Variants in SHISA9 observed in about 807,000 individuals in gnomAD.
The protein encoded by SHISA9 is shisa family member 9.
Under a neutral mutation model 38.0 loss-of-function variants are expected in SHISA9, and 13 were observed. The ratio of observed to expected loss-of-function variants is 0.34; its 90% CI spans 0.22 to 0.54. SHISA9 has a LOEUF of 0.54. Ranked by LOEUF, SHISA9 falls within the 20% of genes least tolerant of loss-of-function variation. SHISA9 has a pLI of 0.91. For missense variants in SHISA9, 538 were observed against 575.8 expected (o/e 0.93, Z 0.67); for synonymous variants, 275 against 242.0 (o/e 1.14, Z -1.27).
intron 3 of SHISA9, among the ~76,000 whole-genome samples, chr16:13,211,993 T>G (rs2051124571): frequency 6.6e-6 from 1 of 152,196 alleles, no homozygotes; most frequent in Non-Finnish European, 1.5e-5. Context: ...TCTCTTCTGT[T>G]GCTCCAATTG....
At chr16:13,425,726 T>C in the SHISA9 span, among the ~76,000 whole-genome samples, 1 of 152,202 alleles carries the variant, frequency 6.6e-6, no homozygotes, top group East Asian at 1.9e-4. Context: ...CACATGAACA[T>C]AAAAAAGAGT....
At chr16:12,991,615 A>G (rs2072386972) in intron 2 of SHISA9, among the ~76,000 whole-genome samples, 1 of 152,232 alleles carries the variant, frequency 6.6e-6, no homozygotes, top group Non-Finnish European at 1.5e-5. Context: ...CAATTGCTGA[A>G]TAATTACTCA....
At chr16:13,414,635 C>CTTCT in the SHISA9 span, among the ~76,000 whole-genome samples, 1,042 of 86,410 alleles carry the variant, frequency 0.012, 11 homozygotes, top group Non-Finnish European at 0.019. Context: ...TTCTTTCTTT[C>CTTCT]TTCTTTCTTT....
intron 2 of SHISA9, among the ~76,000 whole-genome samples, chr16:13,033,101 A>G (rs1048856580): frequency 2.0e-5 from 3 of 152,144 alleles, no homozygotes; most frequent in Non-Finnish European, 4.4e-5. Context: ...AGTAGAAAAG[A>G]TAGGGTGCTT....
chr16:13,556,771 A>G, the SHISA9 span, among the ~76,000 whole-genome samples: 10 of 152,364 alleles, frequency 6.6e-5, no homozygotes, highest in Non-Finnish European at 1.2e-4. Flanking sequence ...ATTCTGAAAA[A>G]TAAAAAATAA....
chr16:13,320,063 C>G, the SHISA9 span, among the ~76,000 whole-genome samples: 2 of 151,648 alleles, frequency 1.3e-5, no homozygotes, highest in African/African-American at 4.8e-5. Context: ...GAGGCTGAAG[C>G]GGGCAGATCA....
At chr16:13,505,158 G>A in the SHISA9 span, among the ~76,000 whole-genome samples, 3 of 152,212 alleles carry the variant, frequency 2.0e-5, no homozygotes, top group Non-Finnish European at 4.4e-5. Context: ...ACCAAAGCAC[G>A]AGAGGGGAGC....
the SHISA9 span, among the ~76,000 whole-genome samples, chr16:13,358,191 A>G: frequency 6.6e-6 from 1 of 152,120 alleles, no homozygotes; most frequent in African/African-American, 2.4e-5. Flanking sequence ...ACTATCTGGG[A>G]TACTGGGGTG....
At chr16:13,009,550 C>A (rs766391395) in intron 2 of SHISA9, among the ~76,000 whole-genome samples, 1 of 152,148 alleles carries the variant, frequency 6.6e-6, no homozygotes, top group Admixed American at 6.5e-5. Flanking sequence ...GGCCAATAGC[C>A]GGAACCAGAA....
At chr16:13,374,910 T>C in the SHISA9 span, among the ~76,000 whole-genome samples, 1 of 152,262 alleles carries the variant, frequency 6.6e-6, no homozygotes, top group Admixed American at 6.5e-5. Context: ...ATTTCTCTGA[T>C]GGCCAGCGAT....
the SHISA9 span, among the ~76,000 whole-genome samples, chr16:13,262,961 A>G: frequency 4.6e-5 from 7 of 152,308 alleles, no homozygotes; most frequent in African/African-American, 1.7e-4. Flanking sequence ...CACTTCATAC[A>G]TAGACATGAG....
chr16:12,951,322 C>T (rs551630452), intron 2 of SHISA9, among the ~76,000 whole-genome samples: 193 of 151,536 alleles, frequency 1.3e-3, no homozygotes, highest in African/African-American at 4.4e-3. Context: ...GTTACGTTTC[C>T]CTTGGGCAAC....
At chr16:12,902,844 G>T in intron 1 of SHISA9, 2 of 560,304 alleles carry the variant, frequency 3.6e-6, no homozygotes, top group Non-Finnish European at 6.2e-6. Context: ...TCGTGTGTGT[G>T]TGAGCGTGTG....
the SHISA9 span, among the ~76,000 whole-genome samples, chr16:13,412,532 C>T: frequency 6.6e-6 from 1 of 152,002 alleles, no homozygotes; most frequent in Non-Finnish European, 1.5e-5. Context: ...AGATGAACCT[C>T]TTGTGGTTCC....
At chr16:13,066,839 G>A (rs1433959090) in intron 2 of SHISA9, among the ~76,000 whole-genome samples, 1 of 152,164 alleles carries the variant, frequency 6.6e-6, no homozygotes, top group Non-Finnish European at 1.5e-5. Context: ...TCTTGTCAAA[G>A]GTCCCTTAGC....
chr16:12,963,384 A>C (rs1313062083), intron 2 of SHISA9, among the ~76,000 whole-genome samples: 1 of 152,204 alleles, frequency 6.6e-6, no homozygotes, highest in Non-Finnish European at 1.5e-5. Flanking sequence ...CTTTGTCTTC[A>C]GGAGCTCCTA....
rs73518757 is a variant in SHISA9, at chr16:13,078,780, C to A, written c.692-124614C>A. 2.3e-3 allele frequency among the ~76,000 whole-genome samples: 349 copies of A among 152,286 alleles called. 2 individuals are homozygous for A. Among genetic ancestry groups the A allele is most frequent in the African/African-American group, 7.9e-3 (329 of 41,560 alleles). ...GGGCTGATACACATTTACTGTGTGC[C>A]AGGCTCTATTCTAAGTGTTTGATGG... On this transcript the variant is annotated intron_variant, in intron 2 of 4. Coordinates refer to ENST00000558583, the MANE Select transcript of SHISA9 (RefSeq NM_001145204.3).
intron 4 of SHISA9, among the ~76,000 whole-genome samples, chr16:13,223,508 CT>C (rs1230571994): frequency 2.0e-5 from 3 of 152,166 alleles, no homozygotes; most frequent in Non-Finnish European, 4.4e-5. Flanking sequence ...CTCCTCTTTC[CT>C]TCTCAACATT....
chr16:12,977,356 G>A (rs1298045372), intron 2 of SHISA9, among the ~76,000 whole-genome samples: 1 of 152,136 alleles, frequency 6.6e-6, no homozygotes, highest in Non-Finnish European at 1.5e-5. Flanking sequence ...ACTGACATTT[G>A]AGCAATGTTG....
Sources: gnomAD v4.1 joint callset for allele counts (sites outside exome capture counted in the v4.1 genomes callset) on GRCh38, gnomAD v4.1.1 for gene constraint, MANE v1.5 for transcripts, NCBI Gene and HGNC (gene_info 2026-07-23, HGNC 2026-07-21) for gene names.